ARHGEF18: variants seen among roughly 807,000 people sequenced by gnomAD.
The protein encoded by ARHGEF18 is Rho/Rac guanine nucleotide exchange factor 18.
Under a neutral mutation model 155.7 loss-of-function variants are expected in ARHGEF18, and 93 were observed. That is an observed-to-expected ratio of 0.60 (90% CI 0.50 to 0.71). The LOEUF (loss-of-function observed/expected upper bound fraction) is 0.71. Ranked by LOEUF, ARHGEF18 falls within the 30% of genes least tolerant of loss-of-function variation. The pLI is 0.00. For missense variants in ARHGEF18, 1,593 were observed against 1,816.1 expected (o/e 0.88, Z 2.23); for synonymous variants, 742 against 753.1 (o/e 0.99, Z 0.24).
chr19:7,408,291 GA>G (rs1972463844), intron 10 of ARHGEF18, among the ~76,000 whole-genome samples: 1 of 152,080 alleles, frequency 6.6e-6, no homozygotes, highest in African/African-American at 2.4e-5. Context: ...AAAAGAGAAA[GA>G]GCCAGATAAT....
intron 2 of ARHGEF18, among the ~76,000 whole-genome samples, chr19:7,370,296 C>T (rs1274398485): frequency 2.6e-5 from 4 of 152,082 alleles, no homozygotes; most frequent in Non-Finnish European, 2.9e-5. Context: ...GAGATCGAGA[C>T]CATCCTGGCT....
chr19:7,355,638 C>T (rs1348404973), intron 1 of ARHGEF18: 2 of 985,356 alleles, frequency 2.0e-6, no homozygotes, highest in Non-Finnish European at 2.4e-6. Flanking sequence ...ATGGCTGACT[C>T]GGTGCTCAAC....
chr19:7,438,996 C>T (rs1445345778), intron 10 of ARHGEF18, among the ~76,000 whole-genome samples: 2 of 152,054 alleles, frequency 1.3e-5, no homozygotes, highest in South Asian at 2.1e-4. Context: ...CTCAGCCTCC[C>T]GAGTAGCTGA....
chr19:7,478,194 T>G, the ARHGEF18 span: 1 of 1,047,166 alleles, frequency 9.5e-7, no homozygotes, highest in African/African-American at 1.6e-5. Context: ...CTGTGATGAC[T>G]CCCCCATGAC....
chr19:7,451,986 T>C (rs576661635), intron 16 of ARHGEF18, among the ~76,000 whole-genome samples: 4 of 152,312 alleles, frequency 2.6e-5, no homozygotes, highest in Middle Eastern at 3.4e-3. Flanking sequence ...CCTCCCAAAG[T>C]GCTGGGATTA....
downstream of ARHGEF18, chr19:7,477,190 C>T (rs1977253022): frequency 6.8e-7 from 1 of 1,465,318 alleles, no homozygotes; most frequent in South Asian, 1.4e-5. Flanking sequence ...TCCCTGTGCT[C>T]TTCCGGCAGT....
Position 7,458,579 on chromosome 19 carries a change from C to T in ARHGEF18, c.2249C>T (p.Ala750Val), listed in dbSNP as rs1291446419. Residue 750 changes from alanine (A) to valine (V), a missense_variant, in exon 19 of 29, where the codon GCG becomes GTG. Ala to Val is a moderately conservative substitution (Grantham distance 64). Coordinates refer to ENST00000668164, the MANE Select transcript of ARHGEF18 (RefSeq NM_001367823.1). ...IVREVANEEK[A>V]MFLISASLQG... Reference sequence around the variant, plus strand: ...AGGGAAGTGGCCAACGAGGAGAAAGCGATGTTTCTGATCAGCGCCTCCTTG... The same window carrying T: ...AGGGAAGTGGCCAACGAGGAGAAAGTGATGTTTCTGATCAGCGCCTCCTTG... 1 of 1,614,092 alleles carries T rather than the reference C, an allele frequency of 6.2e-7. No homozygotes were observed.
At chr19:7,388,602 TG>T (rs1971211506) in intron 10 of ARHGEF18, among the ~76,000 whole-genome samples, 1 of 151,988 alleles carries the variant, frequency 6.6e-6, no homozygotes, top group Admixed American at 6.6e-5. Context: ...TATTTTCAGA[TG>T]GAGTTTTGCT....
At chr19:7,475,583 T>C (rs1977211873), downstream of ARHGEF18, among the ~76,000 whole-genome samples, 1 of 150,674 alleles carries the variant, frequency 6.6e-6, no homozygotes, top group African/African-American at 2.4e-5. Flanking sequence ...GCTGAGAGAG[T>C]GGGAGAGCGG....
rs757219695 is a variant in ARHGEF18, at chr19:7,441,928, G to T, written c.1236G>T (p.Ser412=). The T allele has an allele frequency of 1.2e-6, 2 of 1,614,036 alleles. No individual in the cohort carries two copies. The highest frequency in any genetic ancestry group is 1.7e-6 in the Non-Finnish European group (2 of 1,179,986). Residue 412 remains serine (S), a synonymous_variant, in exon 13 of 29, where the codon TCG becomes TCT. Coordinates refer to ENST00000668164, the MANE Select transcript of ARHGEF18 (RefSeq NM_001367823.1). ...TTCCCTCAGATCCCTACACCGCCTCGCTGAGGAGTGAGATTGAGTCAGACG... is the reference window on the plus strand; with the variant it reads ...TTCCCTCAGATCCCTACACCGCCTCTCTGAGGAGTGAGATTGAGTCAGACG... ...SIFVEDPYTA[S]LRSEIESDGH... is the part of the protein sequence containing the mutation.
intron 10 of ARHGEF18, among the ~76,000 whole-genome samples, chr19:7,416,425 A>G (rs1036591640): frequency 6.6e-6 from 1 of 151,842 alleles, no homozygotes; most frequent in Non-Finnish European, 1.5e-5. Context: ...TAACAATATA[A>G]TAATAAATTT....
intron 18 of ARHGEF18, among the ~76,000 whole-genome samples, chr19:7,457,958 T>G (rs184537144): frequency 5.3e-5 from 8 of 151,894 alleles, no homozygotes; most frequent in African/African-American, 1.9e-4. Flanking sequence ...GCCGACTATT[T>G]AAAAAAAAAT....
chr19:7,392,705 ACT>A (rs1055147674), intron 10 of ARHGEF18: 5 of 147,332 alleles, frequency 3.4e-5, no homozygotes, highest in African/African-American at 1.3e-4. Context: ...ACAGAGTGAG[ACT>A]CTGTCTCAAG....
intron 1 of ARHGEF18, among the ~76,000 whole-genome samples, chr19:7,361,999 A>G (rs1252932794): frequency 2.2e-5 from 1 of 45,666 alleles, no homozygotes; most frequent in African/African-American, 1.3e-4. Context: ...GTGGAAGAAG[A>G]AGAAGAAGAA....
At chr19:7,354,899 A>G (rs548129999) in intron 1 of ARHGEF18, among the ~76,000 whole-genome samples, 1 of 151,964 alleles carries the variant, frequency 6.6e-6, no homozygotes, top group Non-Finnish European at 1.5e-5. Flanking sequence ...GACCCATCTC[A>G]AAACTAACAA....
chr19:7,441,371 G>C (rs1974634910), intron 11 of ARHGEF18, among the ~76,000 whole-genome samples: 1 of 151,926 alleles, frequency 6.6e-6, no homozygotes, highest in South Asian at 2.1e-4. Flanking sequence ...GCAGAGACGG[G>C]ATTTTGCCAT....
intron 18 of ARHGEF18, among the ~76,000 whole-genome samples, chr19:7,457,318 C>T (rs1600513415): frequency 4.0e-5 from 6 of 150,470 alleles, no homozygotes; most frequent in South Asian, 4.2e-4. Context: ...GATTTGGGCC[C>T]GCCCATATGA....
At chr19:7,458,397 A>C in intron 18 of ARHGEF18, 115 bp from the exon 19 acceptor site, 1 of 908,544 alleles carries the variant, frequency 1.1e-6, no homozygotes, top group Non-Finnish European at 1.6e-6. Context: ...TTGTTTGAAA[A>C]GAAATGAGGA....
intron 2 of ARHGEF18, among the ~76,000 whole-genome samples, chr19:7,363,923 A>T (rs1186539890): frequency 6.6e-6 from 1 of 151,456 alleles, no homozygotes; most frequent in East Asian, 2.0e-4. Flanking sequence ...AGGAGGATGG[A>T]TAAATAAAAG....
Sources: gnomAD v4.1 joint callset for allele counts (sites outside exome capture counted in the v4.1 genomes callset) on GRCh38, gnomAD v4.1.1 for gene constraint, MANE v1.5 for transcripts, NCBI Gene and HGNC (gene_info 2026-07-23, HGNC 2026-07-21) for gene names.